PTHLH: variants seen among roughly 807,000 people sequenced by gnomAD.
PTHLH encodes the protein parathyroid hormone like hormone.
In PTHLH, 5 loss-of-function variants were observed where a neutral mutation model predicts 18.6. The ratio of observed to expected loss-of-function variants is 0.27; its 90% confidence interval spans 0.14 to 0.56. The LOEUF is 0.56. PTHLH is among the 20% of genes least tolerant of loss of function. The pLI, the probability that PTHLH is intolerant of heterozygous loss-of-function variation, is 0.92. For missense variants in PTHLH, 207 were observed against 223.9 expected (o/e 0.92, Z 0.48); for synonymous variants, 90 against 94.0 (o/e 0.96, Z 0.25).
chr12:27,960,734 AAAG>A, intron 5 of PTHLH, among the ~76,000 whole-genome samples: 1 of 152,078 alleles, frequency 6.6e-6, no homozygotes. Flanking sequence ...AAAAAAAAAA[AAAG>A]AATATTGTTT....
intron 5 of PTHLH, 165 bp downstream of exon 5, chr12:27,963,183 T>G: frequency 1.3e-6 from 2 of 1,511,692 alleles, no homozygotes; most frequent in Middle Eastern, 2.3e-4. Flanking sequence ...GGGTACTGCT[T>G]TAAGGCAGAC....
chr12:27,970,577 C>G (rs1029824827), intron 2 of PTHLH, among the ~76,000 whole-genome samples: 8 of 151,942 alleles, frequency 5.3e-5, no homozygotes, highest in African/African-American at 1.9e-4. Context: ...CCGCTTGCTC[C>G]CTCCAGGCCC....
chr12:27,960,268 G>C (rs1263488015), intron 5 of PTHLH, among the ~76,000 whole-genome samples: 2 of 152,146 alleles, frequency 1.3e-5, no homozygotes, highest in Non-Finnish European at 2.9e-5. Context: ...AGGCAAAAAT[G>C]ATATGATTTC....
rs116369097 is a variant in PTHLH at position 27,958,742 on chromosome 12, C to G, written c.525-174G>C. The G allele has an allele frequency of 8.5e-4, 466 of 548,934 alleles. 1 individual carries two copies. Among genetic ancestry groups the G allele is most frequent in the African/African-American group, 8.3e-3 (432 of 52,078 alleles). 34.0% of individuals were successfully genotyped at this position (548,934 alleles called of 1,614,324 possible). A position where few individuals can be genotyped will look rare whatever the true frequency, so the allele number is the denominator to read the frequency against. ...AGGTATCTGTGGGATCCACCCAGAT[C>G]TCCATAACCTCTGTTACAGGCAGGG... On this transcript the variant is annotated intron_variant, in intron 5 of 5. Transcript: ENST00000545234.
chr12:27,964,783 A>G (rs186886920), intron 4 of PTHLH, among the ~76,000 whole-genome samples: 45 of 152,344 alleles, frequency 3.0e-4, no homozygotes, highest in African/African-American at 9.1e-4. Flanking sequence ...TTCTCTATCA[A>G]TCCTTTTAGA....
chr12:27,967,343 T>C (rs1244657899), intron 4 of PTHLH, among the ~76,000 whole-genome samples: 1 of 152,200 alleles, frequency 6.6e-6, no homozygotes, highest in Non-Finnish European at 1.5e-5. Context: ...GGAAGTCTTA[T>C]TGTTATAGTA....
intron 4 of PTHLH, among the ~76,000 whole-genome samples, chr12:27,965,233 A>G (rs1458295899): frequency 5.3e-5 from 8 of 152,256 alleles, no homozygotes; most frequent in Non-Finnish European, 1.2e-4. Flanking sequence ...TTCTAAAGCC[A>G]AGACTGCTTT....
Position 27,963,506 on chromosome 12 carries a change from A to T in PTHLH, c.366T>A (p.Pro122=). The change falls in exon 5 of 6, where the codon CCT becomes CCA. Residue 122 remains proline, a synonymous_variant. Coordinates refer to ENST00000545234, the MANE Select transcript of PTHLH (RefSeq NM_198965.2). ...CGGGCTTGCCTTTCTTTTTCTTCCC[A>T]GGTGTCTTGAGCGGCTGCTCTTTGT... ...ETYKEQPLKT[P]GKKKKGKPGK... is the part of the protein sequence containing the mutation. The T allele has an allele frequency of 6.2e-7, 1 of 1,613,834 alleles. No homozygotes were observed.
At chr12:27,965,344 T>C (rs973716843) in intron 4 of PTHLH, among the ~76,000 whole-genome samples, 9 of 152,238 alleles carry the variant, frequency 5.9e-5, no homozygotes, top group African/African-American at 1.9e-4. Flanking sequence ...GTACAGGGTA[T>C]ATGCATGGGG....
In PTHLH at chr12:27,963,560, T is replaced by A. The variant is rs1483738873; in HGVS notation, c.312A>T (p.Leu104=). 6.2e-7 allele frequency: 1 copy of A among 1,614,154 alleles called. No individual in the cohort carries two copies. The highest frequency in any genetic ancestry group is 8.5e-7 in the Non-Finnish European group (1 of 1,180,026). Residue 104 remains leucine, a synonymous_variant, in exon 5 of 6, where the codon CTA becomes CTT. Coordinates refer to ENST00000545234, the MANE Select transcript of PTHLH (RefSeq NM_198965.2). ...RFGSDDEGRY[L]TQETNKVETY... is the part of the protein sequence containing the mutation. ...TCTCCACCTTGTTAGTTTCCTGAGT[T>A]AGGTATCTGCCCTCATCATCAGACC...
rs2062856711 is a variant in PTHLH, at chr12:27,970,189, A to T, written c.-187T>A. On this transcript the variant is annotated 5_prime_UTR_variant, in exon 3 of 6. Coordinates refer to ENST00000545234, the MANE Select transcript of PTHLH (RefSeq NM_198965.2). ...CGGCAGCCCCGCTTCACGGGCGGGG[A>T]GACATGCTGGCCGGGCGGCGCAGGT... 2.0e-6 allele frequency: 1 copy of T among 512,616 alleles called. No homozygotes were observed. The highest frequency in any genetic ancestry group is 1.9e-5 in the African/African-American group (1 of 51,876). 31.8% of individuals were successfully genotyped at this position (512,616 alleles called of 1,614,324 possible). A position where few individuals can be genotyped will look rare whatever the true frequency, so the allele number is the denominator to read the frequency against.
intron 4 of PTHLH, among the ~76,000 whole-genome samples, chr12:27,965,705 G>A (rs2062806705): frequency 6.6e-6 from 1 of 152,170 alleles, no homozygotes; most frequent in South Asian, 2.1e-4. Flanking sequence ...CTTTTAGAAG[G>A]TGCCACATGT....
intron 5 of PTHLH, chr12:27,962,845 A>C (rs1055176745): frequency 3.1e-6 from 3 of 979,328 alleles, no homozygotes; most frequent in Non-Finnish European, 3.6e-6. Flanking sequence ...CATTTAATTA[A>C]ATAAAAAGTG....
At position 27,970,239 on chromosome 12, in the gene PTHLH, G is replaced by A; in HGVS notation, c.-237C>T. 4.2e-6 allele frequency: 2 copies of A among 471,324 alleles called. No individual in the cohort carries two copies. The highest frequency in any genetic ancestry group is 4.4e-5 in the Admixed American group (2 of 45,818). The allele number at this position is 471,324 out of a possible 1,614,324, so 29.2% of individuals were successfully genotyped here. ...TTGGAGGCGAGTTGAAAACCGAGCG[G>A]AGGAATGTTCACACGCTCCGAGGCA... On this transcript the variant is annotated 5_prime_UTR_variant, in exon 3 of 6. Transcript: ENST00000545234.
intron 2 of PTHLH, among the ~76,000 whole-genome samples, chr12:27,970,822 C>G (rs542968436): frequency 6.6e-6 from 1 of 152,170 alleles, no homozygotes; most frequent in South Asian, 2.1e-4. Context: ...GCCCGAAGCT[C>G]GCCTGGCAGC....
chr12:27,965,958 T>A (rs2120648853), intron 4 of PTHLH, among the ~76,000 whole-genome samples: 1 of 152,372 alleles, frequency 6.6e-6, no homozygotes, highest in Non-Finnish European at 1.5e-5. Flanking sequence ...GGCTTTTATT[T>A]CTTTCTCTGT....
intron 5 of PTHLH, chr12:27,962,503 A>G (rs1436673819): frequency 1.0e-6 from 1 of 975,796 alleles, no homozygotes; most frequent in Non-Finnish European, 1.2e-6. Flanking sequence ...TTCAGACCCA[A>G]GACTTGGCCC....
chr12:27,970,650 C>T (rs968710601), intron 2 of PTHLH, among the ~76,000 whole-genome samples: 1 of 151,986 alleles, frequency 6.6e-6, no homozygotes, highest in African/African-American at 2.4e-5. Flanking sequence ...GCGGACTGCC[C>T]CGGGCAGCCG....
In PTHLH at chr12:27,972,540, A is replaced by G. The variant is rs1231249037; in HGVS notation, c.-376T>C. 2 of 152,222 alleles carry G rather than the reference A, an allele frequency of 1.3e-5. No individual in the cohort carries two copies. The highest frequency in any genetic ancestry group is 2.9e-5 in the Non-Finnish European group (2 of 68,030). 9.4% of individuals were successfully genotyped at this position (152,222 alleles called of 1,614,324 possible). ...TACTTCACCTTTTCCTTGATTTACA[A>G]TCTTCTCTCTGCTCTTCTGGCTGAA... On this transcript the variant is annotated 5_prime_UTR_variant, in exon 1 of 6. Coordinates refer to ENST00000545234, the MANE Select transcript of PTHLH (RefSeq NM_198965.2).
Sources: gnomAD v4.1 joint callset for allele counts (sites outside exome capture counted in the v4.1 genomes callset) on GRCh38, gnomAD v4.1.1 for gene constraint, MANE v1.5 for transcripts, NCBI Gene and HGNC (gene_info 2026-07-23, HGNC 2026-07-21) for gene names.